Variants in LINGO2 observed in about 807,000 individuals in gnomAD.
LINGO2 encodes the protein leucine rich repeat and Ig domain containing 2.
In LINGO2, 14 loss-of-function variants were observed where a neutral mutation model predicts 30.6. The ratio of observed to expected loss-of-function variants is 0.46; its 90% CI spans 0.30 to 0.72. LINGO2 has a LOEUF of 0.72. Ranked by LOEUF, LINGO2 falls within the 30% of genes least tolerant of loss-of-function variation. The pLI, the probability that LINGO2 is intolerant of heterozygous loss-of-function variation, is 0.07. For missense variants in LINGO2, 729 were observed against 751.7 expected (o/e 0.97, Z 0.35); for synonymous variants, 317 against 288.5 (o/e 1.10, Z -1.00).
chr9:29,201,975 C>T, the LINGO2 span, among the ~76,000 whole-genome samples: 114 of 152,060 alleles, frequency 7.5e-4, no homozygotes, highest in African/African-American at 2.7e-3. Flanking sequence ...CTGCATGTTA[C>T]CTCTTTTACC....
chr9:28,766,069 G>A, the LINGO2 span, among the ~76,000 whole-genome samples: 1 of 151,900 alleles, frequency 6.6e-6, no homozygotes. Context: ...AAAAGCTCAG[G>A]CAACAAAAGC....
In LINGO2 at chr9:28,147,543, T is replaced by G. The variant is rs1333835977; in HGVS notation, c.-86-135138A>C. Among the ~76,000 whole-genome samples the G allele has an allele frequency of 6.6e-6, 1 of 152,130 alleles. No individual in the cohort carries two copies. On this transcript the variant is annotated intron_variant, in intron 4 of 5. Coordinates refer to ENST00000379992, the Ensembl canonical transcript of LINGO2. The surrounding 1 kb of genome is among the most constrained non-coding windows in gnomAD (Gnocchi z 4.7). ...GGCCCCGGGGGAGCCTGGCGGGATC[T>G]GGCTGGTCCTGTGCTCTGCTTCCAG...
At position 28,339,338 on chromosome 9, in the gene LINGO2, T is replaced by G. The variant is rs181238964; in HGVS notation, c.-246+33498A>C. Among the ~76,000 whole-genome samples the G allele has an allele frequency of 5.3e-5, 8 of 152,284 alleles. No homozygotes were observed. In the East Asian group the frequency reaches 1.5e-3, roughly 29 times the overall value. ...TTATCCATTTTAATTTCCAAAAAAC[T>G]ATTTATAGTAGGTTGTATTTAGAAA... is the stretch of plus-strand genomic sequence containing the variant. On this transcript the variant is annotated intron_variant, in intron 3 of 5. Coordinates refer to ENST00000379992, the Ensembl canonical transcript of LINGO2.
At chr9:29,072,627 A>AT in the LINGO2 span, among the ~76,000 whole-genome samples, 1 of 149,680 alleles carries the variant, frequency 6.7e-6, no homozygotes, top group Non-Finnish European at 1.5e-5. Flanking sequence ...ATATATATAT[A>AT]TATCAAGAGT....
At chr9:28,814,785 C>T in the LINGO2 span, among the ~76,000 whole-genome samples, 2 of 149,938 alleles carry the variant, frequency 1.3e-5, no homozygotes, top group African/African-American at 4.9e-5. Flanking sequence ...CTACTCTCTC[C>T]CTCTCTCTCT....
At chr9:28,753,147 G>A in the LINGO2 span, among the ~76,000 whole-genome samples, 15 of 151,948 alleles carry the variant, frequency 9.9e-5, no homozygotes, top group Non-Finnish European at 1.9e-4. Flanking sequence ...TGGAAGGAGT[G>A]TAGGAAAATC....
chr9:29,066,457 G>GT, the LINGO2 span, among the ~76,000 whole-genome samples: 1 of 151,982 alleles, frequency 6.6e-6, no homozygotes, highest in African/African-American at 2.4e-5. Context: ...AAAGGTTACT[G>GT]TAAGTGTTTT....
chr9:28,065,688 G>C (rs923519318), intron 4 of LINGO2, among the ~76,000 whole-genome samples: 1 of 152,226 alleles, frequency 6.6e-6, no homozygotes, highest in South Asian at 2.1e-4. Flanking sequence ...TCCGGGGTCT[G>C]CATGGGTCTG....
the LINGO2 span, among the ~76,000 whole-genome samples, chr9:29,150,523 G>A: frequency 6.6e-6 from 1 of 152,274 alleles, no homozygotes; most frequent in East Asian, 1.9e-4. Context: ...AGGTAACCCA[G>A]TGAAACGATC....
chr9:28,561,633 T>C (rs1215166607), intron 1 of LINGO2, among the ~76,000 whole-genome samples: 3 of 137,240 alleles, frequency 2.2e-5, no homozygotes, highest in African/African-American at 8.0e-5. Flanking sequence ...ATATAAATTA[T>C]ATATAAATGT....
intron 3 of LINGO2, among the ~76,000 whole-genome samples, chr9:28,357,684 T>A (rs1404525246): frequency 6.6e-6 from 1 of 152,112 alleles, no homozygotes; most frequent in Non-Finnish European, 1.5e-5. Context: ...TTTCAACTAA[T>A]AATGAGGCAT....
intron 2 of LINGO2, among the ~76,000 whole-genome samples, chr9:28,433,232 C>G (rs1041087585): frequency 6.6e-6 from 1 of 152,018 alleles, no homozygotes; most frequent in African/African-American, 2.4e-5. Flanking sequence ...AATAGGCTTC[C>G]TAAATTATAA....
intron 4 of LINGO2, among the ~76,000 whole-genome samples, chr9:28,014,746 C>G (rs1039328034): frequency 6.6e-6 from 1 of 152,034 alleles, no homozygotes; most frequent in African/African-American, 2.4e-5. Context: ...GACTGTCTGA[C>G]CTTGAAGGGC....
the LINGO2 span, among the ~76,000 whole-genome samples, chr9:29,059,675 A>C: frequency 6.6e-6 from 1 of 152,030 alleles, no homozygotes; most frequent in Non-Finnish European, 1.5e-5. Context: ...TGGAAAATTA[A>C]AGATGCGTTA....
chr9:28,772,281 G>T, the LINGO2 span, among the ~76,000 whole-genome samples: 1 of 152,108 alleles, frequency 6.6e-6, no homozygotes, highest in South Asian at 2.1e-4. Context: ...CAGTCAGACC[G>T]CGGTCTCAGG....
At chr9:27,997,954 T>TGGG (rs1359045463) in intron 5 of LINGO2, among the ~76,000 whole-genome samples, 7 of 92,612 alleles carry the variant, frequency 7.6e-5, no homozygotes, top group South Asian at 4.3e-4. Flanking sequence ...AGCCTTTTTT[T>TGGG]GGGGTGGGAG....
At chr9:28,998,707 A>G in the LINGO2 span, among the ~76,000 whole-genome samples, 1 of 152,100 alleles carries the variant, frequency 6.6e-6, no homozygotes, top group Admixed American at 6.6e-5. Flanking sequence ...AGAACTCAAC[A>G]TGATCTTGTG....
intron 4 of LINGO2, among the ~76,000 whole-genome samples, chr9:28,119,279 G>A (rs548554821): frequency 6.6e-6 from 1 of 152,108 alleles, no homozygotes; most frequent in Non-Finnish European, 1.5e-5. Context: ...GATTACAGGT[G>A]CCCATGCCCA....
At chr9:28,397,344 G>A in intron 2 of LINGO2, among the ~76,000 whole-genome samples, 1 of 125,966 alleles carries the variant, frequency 7.9e-6, no homozygotes, top group East Asian at 2.2e-4. Context: ...TGTATGACAT[G>A]ATGTTTTGAA....
Sources: gnomAD v4.1 joint callset for allele counts (sites outside exome capture counted in the v4.1 genomes callset) on GRCh38, gnomAD v4.1.1 for gene constraint, Gnocchi (gnomAD v3.1) non-coding constraint, MANE v1.5 for transcripts, NCBI Gene and HGNC (gene_info 2026-07-23, HGNC 2026-07-21) for gene names.